Variants in ARHGAP24 observed in about 807,000 individuals in gnomAD.
The protein encoded by ARHGAP24 is Rho GTPase activating protein 24, also known as rho GTPase-activating protein 24.
In ARHGAP24, 50 loss-of-function variants were observed where a neutral mutation model predicts 76.4. The observed-to-expected ratio is 0.65, with a 90% CI of 0.52 to 0.83. The LOEUF (loss-of-function observed/expected upper bound fraction) is 0.83, where lower values mean the gene tolerates loss of function less well. Ranked by LOEUF, ARHGAP24 falls within the 40% of genes least tolerant of loss-of-function variation. ARHGAP24 has a pLI of 0.00. For missense variants in ARHGAP24, 930 were observed against 914.2 expected (o/e 1.02, Z -0.22); for synonymous variants, 345 against 323.3 (o/e 1.07, Z -0.72).
At chr4:85,699,557 A>G (rs1033524621) in intron 2 of ARHGAP24, among the ~76,000 whole-genome samples, 2 of 151,890 alleles carry the variant, frequency 1.3e-5, no homozygotes, top group African/African-American at 4.8e-5. Context: ...AGCTATGATC[A>G]TGCCACTGCA....
chr4:85,477,795 G>C (rs1722658144), intron 1 of ARHGAP24, among the ~76,000 whole-genome samples: 1 of 152,198 alleles, frequency 6.6e-6, no homozygotes, highest in Admixed American at 6.5e-5. Flanking sequence ...AGTCTGGGTT[G>C]GTTTCTCAGG....
At chr4:85,791,947 A>C (rs1703602895) in intron 3 of ARHGAP24, among the ~76,000 whole-genome samples, 2 of 152,300 alleles carry the variant, frequency 1.3e-5, no homozygotes, top group South Asian at 4.1e-4. Flanking sequence ...GCCTAATGAA[A>C]AGAACTGTGC....
chr4:85,695,555 C>A (rs1723836625), intron 2 of ARHGAP24, among the ~76,000 whole-genome samples: 1 of 152,136 alleles, frequency 6.6e-6, no homozygotes, highest in South Asian at 2.1e-4. Context: ...ATTGTCATAG[C>A]AAATGTGATT....
At chr4:85,685,878 C>G (rs539311346) in intron 2 of ARHGAP24, among the ~76,000 whole-genome samples, 1 of 152,310 alleles carries the variant, frequency 6.6e-6, no homozygotes, top group Non-Finnish European at 1.5e-5. Context: ...TTTGACAGGA[C>G]AATTTCTCTA....
At chr4:85,536,733 C>T (rs376436817) in intron 1 of ARHGAP24, among the ~76,000 whole-genome samples, 108 of 152,008 alleles carry the variant, frequency 7.1e-4, no homozygotes, top group African/African-American at 2.3e-3. Context: ...ATACATCTTT[C>T]GGGGAGATAG....
At chr4:85,676,606 A>G (rs1485175887) in intron 2 of ARHGAP24, among the ~76,000 whole-genome samples, 1 of 152,076 alleles carries the variant, frequency 6.6e-6, no homozygotes, top group East Asian at 1.9e-4. Context: ...TGTTTCTCCT[A>G]TTGTTACCAA....
At chr4:85,827,308 T>C (rs1443035562) in intron 3 of ARHGAP24, among the ~76,000 whole-genome samples, 1 of 152,174 alleles carries the variant, frequency 6.6e-6, no homozygotes, top group Non-Finnish European at 1.5e-5. Flanking sequence ...CCAGAAATCA[T>C]TTTGCTCTTA....
intron 1 of ARHGAP24, among the ~76,000 whole-genome samples, chr4:85,505,613 G>A (rs1012803208): frequency 5.3e-5 from 8 of 151,970 alleles, no homozygotes; most frequent in African/African-American, 1.9e-4. Flanking sequence ...GTTCCAGTTA[G>A]CCATTTGTCT....
intron 2 of ARHGAP24, among the ~76,000 whole-genome samples, chr4:85,601,550 A>AC: frequency 6.6e-6 from 1 of 152,102 alleles, no homozygotes; most frequent in African/African-American, 2.4e-5. Flanking sequence ...ATGCTTGGCA[A>AC]CCCCCAGTTG....
chr4:85,643,170 T>C (rs112038990), intron 2 of ARHGAP24, among the ~76,000 whole-genome samples: 1 of 151,392 alleles, frequency 6.6e-6, no homozygotes, highest in African/African-American at 2.4e-5. Context: ...AACTGGACTC[T>C]CCTCCATCTT....
chr4:85,898,397 A>AT (rs1409344834), intron 3 of ARHGAP24, among the ~76,000 whole-genome samples: 1 of 152,154 alleles, frequency 6.6e-6, no homozygotes, highest in Non-Finnish European at 1.5e-5. Context: ...ACTAGGGTGC[A>AT]TACAGGCTCT....
intron 8 of ARHGAP24, chr4:85,989,992 G>C (rs776880889): frequency 1.3e-5 from 2 of 151,602 alleles, no homozygotes. Context: ...AAATTGGAAA[G>C]GAATATGTAA....
In ARHGAP24 at chr4:85,869,261, C is replaced by T. The variant is rs192942694; in HGVS notation, c.269-54387C>T. On this transcript the variant is annotated intron_variant, in intron 3 of 9. Coordinates refer to ENST00000395184, the MANE Select transcript of ARHGAP24 (RefSeq NM_001025616.3). ...TATTCTAAGATTTTCCTAGTCTTTCCCCCTTGAACAACAAAGGGCTGCTGC... is the reference window on the plus strand; with the variant it reads ...TATTCTAAGATTTTCCTAGTCTTTCTCCCTTGAACAACAAAGGGCTGCTGC... 6.6e-5 allele frequency among the ~76,000 whole-genome samples: 10 copies of T among 152,194 alleles called. 1 individual carries two copies. The East Asian group carries it at 1.9e-3, about 29-fold the overall frequency.
intron 3 of ARHGAP24, among the ~76,000 whole-genome samples, chr4:85,771,048 T>A (rs1727113120): frequency 6.6e-6 from 1 of 152,226 alleles, no homozygotes; most frequent in African/African-American, 2.4e-5. Flanking sequence ...ACCAATAGCT[T>A]TATATTTCAT....
At chr4:85,573,119 C>T (rs1442090233) in intron 2 of ARHGAP24, among the ~76,000 whole-genome samples, 1 of 152,036 alleles carries the variant, frequency 6.6e-6, no homozygotes, top group Non-Finnish European at 1.5e-5. Context: ...TCAGATGATC[C>T]ACCTGCCTCA....
At chr4:85,619,812 C>G (rs1720656806) in intron 2 of ARHGAP24, among the ~76,000 whole-genome samples, 1 of 151,820 alleles carries the variant, frequency 6.6e-6, no homozygotes, top group South Asian at 2.1e-4. Context: ...TATCCTGCAA[C>G]TTACGAAATT....
At chr4:85,514,858 C>T (rs959249550) in intron 1 of ARHGAP24, among the ~76,000 whole-genome samples, 12 of 128,956 alleles carry the variant, frequency 9.3e-5, no homozygotes, top group Non-Finnish European at 1.8e-4. Context: ...TATTGTCTGT[C>T]TTGGCACAGA....
intron 5 of ARHGAP24, among the ~76,000 whole-genome samples, chr4:85,958,682 A>G (rs1289150773): frequency 2.0e-5 from 3 of 152,242 alleles, no homozygotes; most frequent in East Asian, 3.8e-4. Context: ...CATGTTTTAC[A>G]TTTCATAATT....
intron 3 of ARHGAP24, among the ~76,000 whole-genome samples, chr4:85,849,030 C>T (rs1731061097): frequency 2.0e-5 from 3 of 149,742 alleles, no homozygotes; most frequent in South Asian, 4.4e-4. Context: ...CTGTAAATTA[C>T]CTTGGGCAGT....
Sources: gnomAD v4.1 joint callset for allele counts (sites outside exome capture counted in the v4.1 genomes callset) on GRCh38, gnomAD v4.1.1 for gene constraint, MANE v1.5 for transcripts, NCBI Gene and HGNC (gene_info 2026-07-23, HGNC 2026-07-21) for gene names.